The following ZC3H6 variants were observed in gnomAD, a reference collection of about 807,000 sequenced individuals.
ZC3H6 encodes zinc finger CCCH-type containing 6, also known as zinc finger CCCH domain-containing protein 6.
ZC3H6 carries 40 observed loss-of-function variants against 107.7 expected under a neutral mutation model. That is an observed-to-expected ratio of 0.37 (90% confidence interval 0.29 to 0.48). The LOEUF (loss-of-function observed/expected upper bound fraction) is 0.48. Among genes scored for constraint, ZC3H6 ranks in the 20% least tolerant of loss-of-function variants. The pLI is 0.98. For synonymous variants in ZC3H6, 493 were observed against 487.9 expected (o/e 1.01, Z -0.14); for missense variants, 1,267 against 1,410.4 (o/e 0.90, Z 1.63).
chr2:112,315,682 A>G (rs996878447), intron 5 of ZC3H6, among the ~76,000 whole-genome samples: 2 of 151,530 alleles, frequency 1.3e-5, no homozygotes, highest in African/African-American at 4.9e-5. Flanking sequence ...TGCAGGCTCC[A>G]CCTCCCAGGT....
intron 2 of ZC3H6, 63 bp downstream of exon 2, chr2:112,300,092 T>G: frequency 9.0e-7 from 1 of 1,105,486 alleles, no homozygotes; most frequent in South Asian, 3.3e-5. Flanking sequence ...ATACTGAAAA[T>G]TAGAAAGTAG....
intron 1 of ZC3H6, among the ~76,000 whole-genome samples, chr2:112,299,167 C>T (rs1235049995): frequency 6.6e-6 from 1 of 151,320 alleles, no homozygotes; most frequent in Non-Finnish European, 1.5e-5. Context: ...GTCCCAGCTA[C>T]TTGGGAGGCT....
chr2:112,330,055 G>T (rs1297574165), intron 11 of ZC3H6, among the ~76,000 whole-genome samples: 3 of 142,790 alleles, frequency 2.1e-5, no homozygotes, highest in African/African-American at 5.1e-5. Context: ...AGGATGGTAG[G>T]TTTTTTTTTT....
At chr2:112,309,364 T>C (rs1676553272) in intron 3 of ZC3H6, among the ~76,000 whole-genome samples, 1 of 152,196 alleles carries the variant, frequency 6.6e-6, no homozygotes, top group Non-Finnish European at 1.5e-5. Context: ...CTAGATGTTT[T>C]TCACTATTAG....
In ZC3H6 at chr2:112,313,480, C is replaced by T. The variant is rs898179892; in HGVS notation, c.747+1543C>T. 5.3e-5 allele frequency among the ~76,000 whole-genome samples: 8 copies of T among 152,230 alleles called. No homozygotes were observed. In the East Asian group the frequency reaches 1.5e-3, roughly 29 times the overall value. On this transcript the variant is annotated intron_variant, in intron 5 of 11. Transcript: ENST00000409871. ...GACTTTGAGCAAGTTATACCTGTCT[C>T]TTTGCCTCAATTTGCTTAATCTGCA...
chr2:112,318,213 T>C (rs571486807), intron 7 of ZC3H6, among the ~76,000 whole-genome samples: 1 of 152,220 alleles, frequency 6.6e-6, no homozygotes, highest in African/African-American at 2.4e-5. Flanking sequence ...AATGGAACGA[T>C]GTAATTACCA....
At chr2:112,291,374 T>C (rs1052303774) in intron 1 of ZC3H6, among the ~76,000 whole-genome samples, 1 of 152,172 alleles carries the variant, frequency 6.6e-6, no homozygotes, top group South Asian at 2.1e-4. Flanking sequence ...GCTGGGATTA[T>C]AGGCATGTCC....
In ZC3H6 at chr2:112,309,971, C is replaced by T. The variant is rs1292309552; in HGVS notation, c.423C>T (p.Ser141=). Reference sequence around the variant, plus strand: ...AAAGTAAAGAATATGATGAGTACAGCACCTACAGTGATGACAACTTCGGTA... The same window carrying T: ...AAAGTAAAGAATATGATGAGTACAGTACCTACAGTGATGACAACTTCGGTA... ...KFKSKEYDEY[S]TYSDDNFGNY... The change falls in exon 4 of 12, where the codon AGC becomes AGT. Residue 141 remains serine, a synonymous_variant. Transcript: ENST00000409871. 6.2e-7 allele frequency: 1 copy of T among 1,612,484 alleles called. No individual in the cohort carries two copies. The highest frequency in any genetic ancestry group is 1.1e-5 in the South Asian group (1 of 90,716).
rs184294883 is a variant in ZC3H6, at chr2:112,328,965, C to T, written c.2087-2040C>T. On this transcript the variant is annotated intron_variant, in intron 11 of 11. Coordinates refer to ENST00000409871, the MANE Select transcript of ZC3H6 (RefSeq NM_198581.3). ...AAAAAAAAAAAAAAAAGTAATCTTT[C>T]GATAGTCTTAAAAGTTTTATGTTTT... is the stretch of plus-strand genomic sequence containing the variant. Among the ~76,000 whole-genome samples, 14 of 149,930 alleles carry T rather than the reference C, an allele frequency of 9.3e-5. No individual in the cohort carries two copies. In the East Asian group the frequency reaches 1.4e-3, roughly 15 times the overall value.
intron 1 of ZC3H6, among the ~76,000 whole-genome samples, chr2:112,288,305 G>C (rs1321051772): frequency 6.6e-6 from 1 of 151,962 alleles, no homozygotes; most frequent in Non-Finnish European, 1.5e-5. Flanking sequence ...CCTTGGATTT[G>C]TAACCTTTCC....
intron 8 of ZC3H6, among the ~76,000 whole-genome samples, 167 bp from the exon 9 acceptor site, chr2:112,322,481 TC>T (rs1202345299): frequency 1.3e-5 from 2 of 152,096 alleles, no homozygotes; most frequent in Non-Finnish European, 2.9e-5. Context: ...GCTCAAGCGA[TC>T]CAGCTGCCTT....
At chr2:112,327,959 G>A (rs764956252) in intron 11 of ZC3H6, among the ~76,000 whole-genome samples, 22 of 151,920 alleles carry the variant, frequency 1.4e-4, no homozygotes, top group East Asian at 7.7e-4. Flanking sequence ...GTGCGATCTC[G>A]GCTCACCACA....
chr2:112,339,784 A>G lies in ZC3H6; in HGVS notation c.*7296A>G, dbSNP rs1421138989. 2 of 151,270 alleles carry G rather than the reference A, an allele frequency of 1.3e-5. No individual in the cohort carries two copies. The highest frequency in any genetic ancestry group is 1.9e-4 in the East Asian group (1 of 5,180). The allele number at this position is 151,270 out of a possible 1,614,324, so 9.4% of individuals were successfully genotyped here. ...ATGTTGGGGAAATGCTGCCTTGACT[A>G]TTTTACTTTGGAAGGTTTTACTAGA... is the stretch of plus-strand genomic sequence containing the variant. On this transcript the variant is annotated 3_prime_UTR_variant, in exon 12 of 12. Coordinates refer to ENST00000409871, the MANE Select transcript of ZC3H6 (RefSeq NM_198581.3).
chr2:112,321,609 A>G (rs1676803513), intron 7 of ZC3H6, 147 bp from the exon 8 acceptor site: 1 of 435,412 alleles, frequency 2.3e-6, no homozygotes, highest in South Asian at 6.2e-5. Flanking sequence ...AATTTTAAGT[A>G]TACAATACAG....
intron 1 of ZC3H6, among the ~76,000 whole-genome samples, chr2:112,289,131 A>C (rs543556053): frequency 6.7e-6 from 1 of 149,890 alleles, no homozygotes; most frequent in East Asian, 1.9e-4. Context: ...ATATCGGCTC[A>C]CTGCAACCTC....
intron 1 of ZC3H6, among the ~76,000 whole-genome samples, chr2:112,280,349 G>C (rs1442845115): frequency 6.6e-6 from 1 of 152,076 alleles, no homozygotes; most frequent in Non-Finnish European, 1.5e-5. Context: ...CCTCGTATCA[G>C]GTCTCAGGTT....
At position 112,310,044 on chromosome 2, in the gene ZC3H6, G is replaced by A. The variant is rs565562237; in HGVS notation, c.496G>A (p.Asp166Asn). 1 of 1,613,606 alleles carries A rather than the reference G, an allele frequency of 6.2e-7. No homozygotes were observed. The highest frequency in any genetic ancestry group is 2.2e-5 in the East Asian group (1 of 44,844). ...TAACTACGGTCAGGAAACAGAGGAA[G>A]ATTTTGCCAATCAGCTGAAACAATA... ...FGNYGQETEE[D>N]FANQLKQYRQ... The change falls in exon 4 of 12, where the codon GAT (aspartate) becomes AAT (asparagine). Residue 166 changes from aspartate to asparagine, a missense_variant. Physicochemically the swap from Asp to Asn is conservative, Grantham distance 23 (BLOSUM62 1). This residue lies in a region of ZC3H6 where 337 missense variants were observed against 361.2 expected (regional missense o/e 0.93). Coordinates refer to ENST00000409871, the MANE Select transcript of ZC3H6 (RefSeq NM_198581.3).
chr2:112,319,898 G>A (rs1304247535), intron 7 of ZC3H6, among the ~76,000 whole-genome samples: 1 of 152,112 alleles, frequency 6.6e-6, no homozygotes, highest in Admixed American at 6.6e-5. Flanking sequence ...ATGCTGGTAT[G>A]TATGTATGAA....
rs1416205491 is a variant in ZC3H6 at position 112,309,926 on chromosome 2, T to A, written c.378T>A (p.Gly126=). The change falls in exon 4 of 12, where the codon GGT becomes GGA. Residue 126 remains glycine, a synonymous_variant. Transcript: ENST00000409871. ...GAAGCTACATAACATCAAAGAAGGGTCAACATAACAAAAAATTTAAAAGTA... is the reference window on the plus strand; with the variant it reads ...GAAGCTACATAACATCAAAGAAGGGACAACATAACAAAAAATTTAAAAGTA... The part of the protein sequence containing the change: ...ISGSYITSKK[G]QHNKKFKSKE... The A allele has an allele frequency of 6.3e-7, 1 of 1,595,680 alleles. No homozygotes were observed. The highest frequency in any genetic ancestry group is 1.1e-5 in the South Asian group (1 of 88,056).
Sources: gnomAD v4.1 joint callset for allele counts (sites outside exome capture counted in the v4.1 genomes callset) on GRCh38, gnomAD v4.1.1 for gene constraint, gnomAD v4.1.1 regional missense constraint, MANE v1.5 for transcripts, NCBI Gene and HGNC (gene_info 2026-07-23, HGNC 2026-07-21) for gene names.